FAM184B: variants seen among roughly 807,000 people sequenced by gnomAD.
FAM184B encodes protein FAM184B.
FAM184B carries 111 observed loss-of-function variants against 135.9 expected under a neutral mutation model. The ratio of observed to expected loss-of-function variants is 0.82; its 90% confidence interval spans 0.70 to 0.96. The LOEUF is 0.96. Ranked by LOEUF, FAM184B falls within the 40% of genes least tolerant of loss-of-function variation. FAM184B has a pLI of 0.00. For missense variants in FAM184B, 1,375 were observed against 1,323.9 expected (o/e 1.04, Z -0.60); for synonymous variants, 552 against 524.8 (o/e 1.05, Z -0.71).
At chr4:17,732,932 C>T (rs1406628806) in intron 1 of FAM184B, among the ~76,000 whole-genome samples, 1 of 152,276 alleles carries the variant, frequency 6.6e-6, no homozygotes, top group African/African-American at 2.4e-5. Flanking sequence ...ATGCAAGAAT[C>T]CTCAATAAAA....
At position 17,658,382 on chromosome 4, in the gene FAM184B, T is replaced by C. The variant is rs1174030268; in HGVS notation, c.2005A>G (p.Met669Val). Residue 669 changes from methionine to valine, a missense_variant, in exon 10 of 18, where the codon ATG (methionine) becomes GTG (valine). Met to Val is a conservative substitution (Grantham distance 21). Coordinates refer to ENST00000265018, the MANE Select transcript of FAM184B (RefSeq NM_015688.2). ...TCCTGATGTCTGGCCTTCTCCAGCA[T>C]GCGCAGGGCTCTCTGGTGGGAAGCC... ...LEASHQRALRMLEKARHQELK... is the reference protein window; with the variant it reads ...LEASHQRALRVLEKARHQELK... 12 of 1,551,570 alleles carry C rather than the reference T, an allele frequency of 7.7e-6. 1 individual carries two copies. The Middle Eastern group carries it at 5.0e-4, about 64-fold the overall frequency.
intron 1 of FAM184B, among the ~76,000 whole-genome samples, chr4:17,721,303 G>A (rs1335379180): frequency 6.8e-6 from 1 of 146,286 alleles, no homozygotes; most frequent in Non-Finnish European, 1.5e-5. Context: ...AGAATGGCGT[G>A]AACCCGGGAG....
intron 5 of FAM184B, among the ~76,000 whole-genome samples, chr4:17,701,619 A>G (rs1382499107): frequency 6.6e-6 from 1 of 152,190 alleles, no homozygotes; most frequent in Non-Finnish European, 1.5e-5. Flanking sequence ...CACATGACTG[A>G]AGCTTCCCAG....
chr4:17,640,045 T>G (rs1019415054), intron 13 of FAM184B, among the ~76,000 whole-genome samples: 5 of 151,076 alleles, frequency 3.3e-5, no homozygotes, highest in African/African-American at 7.3e-5. Context: ...TTGGCCAGGC[T>G]AGTCTCGAAC....
In FAM184B at chr4:17,709,175, C is replaced by T. The variant is rs1717190250; in HGVS notation, c.611G>A (p.Arg204Gln). The T allele has an allele frequency of 6.5e-7, 1 of 1,548,218 alleles. No homozygotes were observed. Among genetic ancestry groups the T allele is most frequent in the South Asian group, 1.2e-5 (1 of 84,038 alleles). The change falls in exon 2 of 18, where the codon CGA becomes CAA. Residue 204 changes from arginine to glutamine, a missense_variant. Arg to Gln is a conservative substitution (Grantham distance 43). Transcript: ENST00000265018. The stretch of plus-strand genomic sequence containing the variant: ...CTTGCTCAGCTGCTGGTTCTCCACT[C>T]GCAGCCGCTGCACCTCTAGCAGGAC... ...QEVLLEVQRL[R>Q]VENQQLSKDY...
At chr4:17,711,810 C>T (rs996158500) in intron 1 of FAM184B, among the ~76,000 whole-genome samples, 1 of 152,128 alleles carries the variant, frequency 6.6e-6, no homozygotes, top group Non-Finnish European at 1.5e-5. Flanking sequence ...GAGGTGGAGA[C>T]AGGTGTGTGG....
chr4:17,632,536 A>G lies in FAM184B; in HGVS notation c.3179T>C (p.Phe1060Ser), dbSNP rs1447922818. The G allele has an allele frequency of 4.5e-6, 7 of 1,549,840 alleles. No individual in the cohort carries two copies. The highest frequency in any genetic ancestry group is 6.1e-6 in the Non-Finnish European group (7 of 1,145,636). ...TGATGTATCCCAAAGGTTAGCTTAG[A>G]AAGAAAAGTACTTGGTGAACCATTC... ...HQEWFTKYFS[F>S] The change falls in exon 18 of 18, where the codon TTC becomes TCC. Residue 1060 changes from phenylalanine to serine, a missense_variant. Phe to Ser is a radical substitution (Grantham distance 155). Coordinates refer to ENST00000265018, the MANE Select transcript of FAM184B (RefSeq NM_015688.2).
intron 11 of FAM184B, among the ~76,000 whole-genome samples, chr4:17,649,339 C>T (rs1394006497): frequency 6.6e-6 from 1 of 151,400 alleles, no homozygotes; most frequent in Non-Finnish European, 1.5e-5. Context: ...AATCCCAGCA[C>T]TTTGGGAGGC....
chr4:17,639,160 C>G (rs1342578454), intron 14 of FAM184B, 90 bp downstream of exon 14: 1 of 1,331,844 alleles, frequency 7.5e-7, no homozygotes, highest in African/African-American at 1.5e-5. Flanking sequence ...ATTTGAAAAC[C>G]AGGAAATCCC....
chr4:17,779,042 TGA>T (rs1718983719), intron 1 of FAM184B, among the ~76,000 whole-genome samples: 2 of 152,254 alleles, frequency 1.3e-5, no homozygotes, highest in Admixed American at 6.5e-5. Flanking sequence ...AAGACGATTC[TGA>T]GAAGAATAGA....
intron 1 of FAM184B, among the ~76,000 whole-genome samples, chr4:17,742,664 A>T (rs116628634): frequency 3.3e-3 from 502 of 152,344 alleles, no homozygotes; most frequent in South Asian, 0.011. Flanking sequence ...AAGACTGTGG[A>T]TAGATGCAGC....
At chr4:17,732,967 A>G (rs1238722053) in intron 1 of FAM184B, among the ~76,000 whole-genome samples, 1 of 152,246 alleles carries the variant, frequency 6.6e-6, no homozygotes, top group Non-Finnish European at 1.5e-5. Flanking sequence ...ATCCAGCAGC[A>G]CATCAAAAAG....
intron 1 of FAM184B, among the ~76,000 whole-genome samples, chr4:17,753,730 T>A (rs1718359130): frequency 6.6e-6 from 1 of 152,164 alleles, no homozygotes; most frequent in Non-Finnish European, 1.5e-5. Flanking sequence ...AGTTTGTCCA[T>A]AGAGGGTGAT....
intron 3 of FAM184B, among the ~76,000 whole-genome samples, 187 bp downstream of exon 3, chr4:17,707,462 G>T (rs976686622): frequency 1.3e-5 from 2 of 152,174 alleles, no homozygotes; most frequent in African/African-American, 4.8e-5. Context: ...CCAGCTCCAG[G>T]TGAGGCAGCT....
chr4:17,653,925 G>GGAGAGAGAGAGAGAGA (rs140514998), intron 10 of FAM184B, among the ~76,000 whole-genome samples: 2 of 131,272 alleles, frequency 1.5e-5, no homozygotes, highest in African/African-American at 2.8e-5. Context: ...AGAGAGGGAG[G>GGAGAGAGAGAGAGAGA]GGGAGGGGGA....
intron 1 of FAM184B, among the ~76,000 whole-genome samples, chr4:17,750,438 T>G (rs1283408506): frequency 1.3e-5 from 2 of 152,242 alleles, no homozygotes; most frequent in African/African-American, 2.4e-5. Context: ...AGTTTCAGTC[T>G]TTTCATTCAT....
chr4:17,659,485 A>T (rs187553832), intron 9 of FAM184B, among the ~76,000 whole-genome samples: 2 of 151,108 alleles, frequency 1.3e-5, no homozygotes, highest in Non-Finnish European at 2.9e-5. Flanking sequence ...TTAGCACAAC[A>T]GGTTTTTTAT....
intron 1 of FAM184B, among the ~76,000 whole-genome samples, chr4:17,779,099 T>C (rs1718985249): frequency 6.6e-6 from 1 of 152,120 alleles, no homozygotes; most frequent in South Asian, 2.1e-4. Flanking sequence ...TATGTATCAC[T>C]TTACTAATCT....
chr4:17,636,494 G>T, intron 15 of FAM184B, 34 bp downstream of exon 15: 1 of 1,516,714 alleles, frequency 6.6e-7, no homozygotes. Flanking sequence ...TGCCCGGCCA[G>T]GTGCGTGGGT....
Sources: gnomAD v4.1 joint callset for allele counts (sites outside exome capture counted in the v4.1 genomes callset) on GRCh38, gnomAD v4.1.1 for gene constraint, MANE v1.5 for transcripts, NCBI Gene and HGNC (gene_info 2026-07-23, HGNC 2026-07-21) for gene names.